TEX22: variants seen among roughly 807,000 people sequenced by gnomAD.
TEX22 encodes testis-expressed protein 22.
In TEX22, 16 loss-of-function variants were observed where a neutral mutation model predicts 11.3. That is an observed-to-expected ratio of 1.42 (90% CI 0.96 to 2.15). The LOEUF (loss-of-function observed/expected upper bound fraction) is 2.15, where lower values mean the gene tolerates loss of function less well. Among genes scored for constraint, TEX22 ranks in the 30% most tolerant of loss-of-function variants. TEX22 has a pLI of 0.00. For synonymous variants in TEX22, 97 were observed against 92.3 expected (o/e 1.05, Z -0.29); for missense variants, 220 against 208.6 (o/e 1.05, Z -0.34).
chr14:105,408,719 C>T (rs888850680), intron 2 of TEX22, among the ~76,000 whole-genome samples: 24 of 152,294 alleles, frequency 1.6e-4, no homozygotes, highest in African/African-American at 5.8e-4. Flanking sequence ...CCACCGTGCC[C>T]GGCCGCACTG....
At position 105,399,317 on chromosome 14, in the gene TEX22, A is replaced by T; in HGVS notation, c.-24A>T. ...CTACCCCCAGATCTCAGAGGTGTGG[A>T]CAAGCAGCCTACTAGGGCTAGAGAT... On this transcript the variant is annotated 5_prime_UTR_variant, in exon 2 of 4. Transcript: ENST00000451127. 7.6e-7 allele frequency: 1 copy of T among 1,318,058 alleles called. No individual in the cohort carries two copies. The allele number at this position is 1,318,058 out of a possible 1,614,324, so 81.6% of individuals were successfully genotyped here.
At position 105,411,805 on chromosome 14, in the gene TEX22, T is replaced by C; in HGVS notation, c.425T>C (p.Phe142Ser). ...RSAPFWHNAT[F>S]EASRSPPS is the part of the protein sequence containing the mutation. ...GCGCCTTTCTGGCATAATGCGACTT[T>C]CGAGGCCTCGAGGTCACCCCCTTCC... The change falls in exon 4 of 4, where the codon TTC becomes TCC. Residue 142 changes from phenylalanine (F) to serine (S), a missense_variant. Phe to Ser is a radical substitution (Grantham distance 155). Coordinates refer to ENST00000451127, the MANE Select transcript of TEX22 (RefSeq NM_001195082.2). 2.1e-6 allele frequency: 3 copies of C among 1,451,024 alleles called. No individual in the cohort carries two copies. The highest frequency in any genetic ancestry group is 2.7e-6 in the Non-Finnish European group (3 of 1,098,364). 89.9% of individuals were successfully genotyped at this position (1,451,024 alleles called of 1,614,324 possible).
In TEX22 at chr14:105,403,047, A is replaced by T. The variant is rs587751150; in HGVS notation, c.150+3557A>T. On this transcript the variant is annotated intron_variant, in intron 2 of 3. Transcript: ENST00000451127. The stretch of plus-strand genomic sequence containing the variant: ...GAGCTGCAGAGTGCAGTGAGAAGAG[A>T]TCATTTATTGAAAGCCGCTCCACTG... Among the ~76,000 whole-genome samples the T allele has an allele frequency of 1.8e-4, 27 of 152,274 alleles. No homozygotes were observed. In the South Asian group the frequency reaches 5.4e-3, roughly 30 times the overall value.
intron 2 of TEX22, among the ~76,000 whole-genome samples, chr14:105,403,520 T>C (rs1171282501): frequency 6.6e-6 from 1 of 152,218 alleles, no homozygotes; most frequent in Non-Finnish European, 1.5e-5. Flanking sequence ...CCTCCTGGAC[T>C]CCAGCTATCC....
chr14:105,402,200 A>G (rs1555418419), intron 2 of TEX22, among the ~76,000 whole-genome samples: 1 of 152,158 alleles, frequency 6.6e-6, no homozygotes, highest in Non-Finnish European at 1.5e-5. Flanking sequence ...GTAAATAAAC[A>G]GTATTCTGGA....
chr14:105,405,209 G>A (rs2081652144), intron 2 of TEX22, among the ~76,000 whole-genome samples: 1 of 152,066 alleles, frequency 6.6e-6, no homozygotes, highest in Admixed American at 6.6e-5. Flanking sequence ...AGGATCACTT[G>A]TGTCTGTGAG....
At position 105,411,881 on chromosome 14, in the gene TEX22, G is replaced by A; in HGVS notation, c.*48G>A. On this transcript the variant is annotated 3_prime_UTR_variant, in exon 4 of 4. Coordinates refer to ENST00000451127, the MANE Select transcript of TEX22 (RefSeq NM_001195082.2). ...TGTCTTCCAGTGCCTTTCCTTGGGG[G>A]CCCACGGTGGGGGCAGCCTCTGCGC... is the stretch of plus-strand genomic sequence containing the variant. The A allele has an allele frequency of 1.4e-6, 2 of 1,380,988 alleles. No individual in the cohort carries two copies. The highest frequency in any genetic ancestry group is 1.5e-5 in the South Asian group (1 of 65,208). 85.5% of individuals were successfully genotyped at this position (1,380,988 alleles called of 1,614,324 possible).
intron 2 of TEX22, among the ~76,000 whole-genome samples, chr14:105,400,626 G>A (rs2081621761): frequency 6.6e-6 from 1 of 152,140 alleles, no homozygotes; most frequent in South Asian, 2.1e-4. Context: ...TTGGGCAGGG[G>A]CAGCCAGGCT....
intron 2 of TEX22, among the ~76,000 whole-genome samples, chr14:105,407,107 ACCCAGG>A (rs1555418941): frequency 7.1e-6 from 1 of 140,754 alleles, no homozygotes; most frequent in African/African-American, 2.8e-5. Context: ...TCACTCTGTC[ACCCAGG>A]CTGGAGTGCA....
At chr14:105,399,516 G>A in intron 2 of TEX22, 26 bp downstream of exon 2, 1 of 1,516,976 alleles carries the variant, frequency 6.6e-7, no homozygotes, top group Admixed American at 2.1e-5. Context: ...CCCTGGCCGA[G>A]GCTACTCTCC....
intron 2 of TEX22, among the ~76,000 whole-genome samples, chr14:105,411,148 G>T (rs587769251): frequency 3.3e-5 from 5 of 152,374 alleles, no homozygotes; most frequent in Admixed American, 6.5e-5. Flanking sequence ...CAGGTACTGG[G>T]TTGGGCGGTG....
intron 2 of TEX22, among the ~76,000 whole-genome samples, chr14:105,400,691 C>T (rs1305625910): frequency 2.0e-5 from 3 of 152,112 alleles, no homozygotes; most frequent in Non-Finnish European, 4.4e-5. Flanking sequence ...TGGTTGAGGA[C>T]AAGGCTGGGA....
chr14:105,403,267 C>A lies in TEX22; in HGVS notation c.150+3777C>A, dbSNP rs142371955. 6.6e-3 allele frequency among the ~76,000 whole-genome samples: 1,000 copies of A among 152,294 alleles called. 16 individuals are homozygous for A. The highest frequency in any genetic ancestry group is 0.023 in the African/African-American group (936 of 41,558). On this transcript the variant is annotated intron_variant, in intron 2 of 3. Coordinates refer to ENST00000451127, the MANE Select transcript of TEX22 (RefSeq NM_001195082.2). ...TTAGTGTGCAAGTACATTAAAGCAT[C>A]ACTATAATTATCTTGAAAGCATATA...
At chr14:105,409,101 C>T (rs1354880588) in intron 2 of TEX22, among the ~76,000 whole-genome samples, 1 of 152,030 alleles carries the variant, frequency 6.6e-6, no homozygotes, top group Non-Finnish European at 1.5e-5. Context: ...TTGGCAGTGG[C>T]CTTCCTGGAG....
intron 2 of TEX22, 79 bp downstream of exon 2, chr14:105,399,569 G>T (rs1595216284): frequency 6.9e-7 from 1 of 1,442,622 alleles, no homozygotes; most frequent in South Asian, 1.4e-5. Flanking sequence ...AAAACTCCAG[G>T]CTGGTCGTGA....
At chr14:105,404,888 C>G (rs1160700036) in intron 2 of TEX22, among the ~76,000 whole-genome samples, 20 of 152,174 alleles carry the variant, frequency 1.3e-4, no homozygotes, top group Admixed American at 1.2e-3. Flanking sequence ...CTGAAACTGA[C>G]AGTCACTGGA....
Position 105,406,134 on chromosome 14 carries a change from A to G in TEX22, c.151-5234A>G, listed in dbSNP as rs2081657472. ...TCTCAAAAAAATGCACACACAAAAA[A>G]CATTAAACCCAAACCATGTGAGCAC... On this transcript the variant is annotated intron_variant, in intron 2 of 3. Transcript: ENST00000451127. Among the ~76,000 whole-genome samples the G allele has an allele frequency of 2.0e-5, 3 of 152,332 alleles. No homozygotes were observed. The South Asian group carries it at 6.2e-4, about 32-fold the overall frequency.
rs1271980966 is a variant in TEX22, at chr14:105,405,137, A to G, written c.150+5647A>G. Among the ~76,000 whole-genome samples the G allele has an allele frequency of 9.2e-5, 14 of 152,154 alleles. 1 individual carries two copies. Among genetic ancestry groups the G allele is most frequent in the Admixed American group, 4.6e-4 (7 of 15,280 alleles). ...ACCCCATCTCTATAAAAAAATCACA[A>G]AAAGTTAGCCAGGCATGGTGGCATG... On this transcript the variant is annotated intron_variant, in intron 2 of 3. Coordinates refer to ENST00000451127, the MANE Select transcript of TEX22 (RefSeq NM_001195082.2).
chr14:105,400,898 A>G (rs2081623181), intron 2 of TEX22, among the ~76,000 whole-genome samples: 2 of 152,244 alleles, frequency 1.3e-5, no homozygotes, highest in Admixed American at 6.5e-5. Context: ...GAAATTAGTC[A>G]TCCTCATTGA....
Sources: gnomAD v4.1 joint callset for allele counts (sites outside exome capture counted in the v4.1 genomes callset) on GRCh38, gnomAD v4.1.1 for gene constraint, MANE v1.5 for transcripts, NCBI Gene and HGNC (gene_info 2026-07-23, HGNC 2026-07-21) for gene names.